SLC16A12: variants seen among roughly 807,000 people sequenced by gnomAD.
SLC16A12 encodes solute carrier family 16 member 12, also known as monocarboxylate transporter 12.
Under a neutral mutation model 42.4 loss-of-function variants are expected in SLC16A12, and 17 were observed. The ratio of observed to expected loss-of-function variants is 0.40; its 90% CI spans 0.27 to 0.60. The LOEUF (loss-of-function observed/expected upper bound fraction) is 0.60. Among genes scored for constraint, SLC16A12 ranks in the 20% least tolerant of loss-of-function variants. The probability of loss-of-function intolerance (pLI) is 0.42; values close to 1 mark genes in which losing one functional copy is unlikely to be tolerated. For synonymous variants in SLC16A12, 224 were observed against 229.4 expected (o/e 0.98, Z 0.21); for missense variants, 544 against 623.0 (o/e 0.87, Z 1.35).
At chr10:89,532,550 C>A (rs142880620) in intron 2 of SLC16A12, among the ~76,000 whole-genome samples, 46 of 152,270 alleles carry the variant, frequency 3.0e-4, no homozygotes, top group African/African-American at 1.1e-3. Context: ...TTTATATACA[C>A]TGGAAAGGTA....
chr10:89,459,516 A>ATGTGTGTGTGTGTGTGTGTG lies in SLC16A12; in HGVS notation c.200+2843_200+2862dup, dbSNP rs58259835. Among the ~76,000 whole-genome samples, 215 of 149,736 alleles carry ATGTGTGTGTGTGTGTGTGTG rather than the reference A, an allele frequency of 1.4e-3. 1 individual carries two copies. Among genetic ancestry groups the ATGTGTGTGTGTGTGTGTGTG allele is most frequent in the Middle Eastern group, 3.4e-3 (1 of 292 alleles). On this transcript the variant is annotated intron_variant, in intron 3 of 7. Transcript: ENST00000371790. Reference sequence around the variant, plus strand: ...AAAGGGCATAGCGGTTTCTGTGTTTATGTGTGTGTGTGTGTGTGTGTATGT... The same window carrying ATGTGTGTGTGTGTGTGTGTG: ...AAAGGGCATAGCGGTTTCTGTGTTTATGTGTGTGTGTGTGTGTGTGTGTGTGTGTGTGTGTGTGTGTATGT...
Position 89,444,782 on chromosome 10 carries a change from G to C in SLC16A12, c.201-923C>G, listed in dbSNP as rs2133700060. Among the ~76,000 whole-genome samples the C allele has an allele frequency of 2.0e-5, 3 of 152,330 alleles. 1 individual carries two copies. The South Asian group carries it at 6.2e-4, about 32-fold the overall frequency. Reference sequence around the variant, plus strand: ...ACAGTGGGTGTAGCCCATGGAGGGGGAGCCGAAGCAGGGTGGGGCATTGCC... The same window carrying C: ...ACAGTGGGTGTAGCCCATGGAGGGGCAGCCGAAGCAGGGTGGGGCATTGCC... On this transcript the variant is annotated intron_variant, in intron 3 of 7. Coordinates refer to ENST00000371790, the MANE Select transcript of SLC16A12 (RefSeq NM_213606.4).
intron 2 of SLC16A12, among the ~76,000 whole-genome samples, chr10:89,542,211 T>A (rs1843719455): frequency 6.6e-6 from 1 of 152,172 alleles, no homozygotes; most frequent in Non-Finnish European, 1.5e-5. Context: ...ATTTAGATCA[T>A]ATTGTTATGA....
In SLC16A12 at chr10:89,549,529, G is replaced by T. The variant is rs1254764030; in HGVS notation, c.-47+6353C>A. Among the ~76,000 whole-genome samples the T allele has an allele frequency of 3.9e-5, 6 of 152,036 alleles. No individual in the cohort carries two copies. The East Asian group carries it at 1.2e-3, about 29-fold the overall frequency. ...ATAATAGGCATCAGTTTTTGTTTTT[G>T]TTTTTTTCAGTAGTGTGTGAAGAAT... On this transcript the variant is annotated intron_variant, in intron 2 of 2. Coordinates refer to the SLC16A12 transcript ENST00000475682.
In SLC16A12 at chr10:89,477,281, CA is replaced by C. The variant is rs145799609; in HGVS notation, c.-46-14658del. Among the ~76,000 whole-genome samples, 1,352 of 152,146 alleles carry C rather than the reference CA, an allele frequency of 8.9e-3. 22 individuals are homozygous for C. The highest frequency in any genetic ancestry group is 0.031 in the African/African-American group (1,288 of 41,510). ...CAGTCTGTACATTTAAAAACATGTC[CA>C]GCCCAGGCGCAGTGGCTCACGCCTG... On this transcript the variant is annotated intron_variant, in intron 2 of 7. Coordinates refer to ENST00000371790, the MANE Select transcript of SLC16A12 (RefSeq NM_213606.4).
intron 3 of SLC16A12, among the ~76,000 whole-genome samples, chr10:89,452,221 G>A (rs933268839): frequency 4.6e-5 from 7 of 152,206 alleles, no homozygotes; most frequent in Non-Finnish European, 1.0e-4. Flanking sequence ...AATGTCGATA[G>A]GATGTGCAAG....
In SLC16A12 at chr10:89,507,531, T is replaced by A. The variant is rs1409664178; in HGVS notation, c.-47+26970A>T. On this transcript the variant is annotated intron_variant, in intron 2 of 7. Transcript: ENST00000371790. ...TTACAGACAAGCAAAGGCTGAGAGA[T>A]TTTGTCATCACCAGGCCTGCCATAA... Among the ~76,000 whole-genome samples, 4 of 152,276 alleles carry A rather than the reference T, an allele frequency of 2.6e-5. No individual in the cohort carries two copies. The East Asian group carries it at 7.7e-4, about 29-fold the overall frequency.
chr10:89,530,708 G>A (rs995394905), intron 2 of SLC16A12, among the ~76,000 whole-genome samples: 1 of 151,998 alleles, frequency 6.6e-6, no homozygotes, highest in Non-Finnish European at 1.5e-5. Flanking sequence ...TGTGAGCCAC[G>A]GCGCCCGGCT....
chr10:89,540,383 G>A (rs148962801), upstream of SLC16A12, among the ~76,000 whole-genome samples: 8 of 152,274 alleles, frequency 5.3e-5, no homozygotes, highest in Non-Finnish European at 7.3e-5. Flanking sequence ...ACAGCCGTGA[G>A]CCACCATGCC....
At chr10:89,532,974 TC>T (rs1843580193) in intron 2 of SLC16A12, among the ~76,000 whole-genome samples, 1 of 152,162 alleles carries the variant, frequency 6.6e-6, no homozygotes, top group Admixed American at 6.5e-5. Flanking sequence ...AAACAAATCA[TC>T]CCGTGCTTCA....
Position 89,438,774 on chromosome 10 carries a change from T to C in SLC16A12, c.858A>G (p.Leu286=), listed in dbSNP as rs1208695672. 1 of 1,614,026 alleles carries C rather than the reference T, an allele frequency of 6.2e-7. No individual in the cohort carries two copies. Among genetic ancestry groups the C allele is most frequent in the Non-Finnish European group, 8.5e-7 (1 of 1,180,032 alleles). The change falls in exon 6 of 8, where the codon TTA becomes TTG. Residue 286 remains leucine (L), a synonymous_variant. Transcript: ENST00000371790. ...SFLLMSDFVV[L]AVSVLFMAYG... is the part of the protein sequence containing the mutation. Reference sequence around the variant, plus strand: ...AAGCCATAAACAGAACGGAGACGGCTAACACAACAAAGTCTGACATGAGTA... The same window carrying C: ...AAGCCATAAACAGAACGGAGACGGCCAACACAACAAAGTCTGACATGAGTA...
chr10:89,533,914 C>A (rs1230585889), intron 2 of SLC16A12, among the ~76,000 whole-genome samples: 3 of 151,682 alleles, frequency 2.0e-5, no homozygotes, highest in Non-Finnish European at 4.4e-5. Flanking sequence ...GCTCAAAATG[C>A]CTAGAGGCAA....
chr10:89,555,656 T>C (rs931203791), intron 2 of SLC16A12, among the ~76,000 whole-genome samples: 1 of 143,524 alleles, frequency 7.0e-6, no homozygotes, highest in East Asian at 2.0e-4. Context: ...TATATACAGA[T>C]ATGTATATAT....
intron 2 of SLC16A12, among the ~76,000 whole-genome samples, chr10:89,483,307 T>C (rs1327159497): frequency 8.5e-5 from 13 of 152,094 alleles, no homozygotes; most frequent in Admixed American, 8.5e-4. Context: ...GGCTTCAACA[T>C]ATGAATTTGG....
chr10:89,505,645 C>G (rs113360857), intron 2 of SLC16A12, among the ~76,000 whole-genome samples: 2 of 152,116 alleles, frequency 1.3e-5, no homozygotes, highest in African/African-American at 4.8e-5. Flanking sequence ...GGAAGCTCAA[C>G]GGGTCAGGGG....
intron 2 of SLC16A12, among the ~76,000 whole-genome samples, chr10:89,497,522 A>C (rs1253977934): frequency 6.6e-6 from 1 of 152,198 alleles, no homozygotes; most frequent in East Asian, 1.9e-4. Flanking sequence ...GATAACTGGA[A>C]AGCACAGAGG....
At chr10:89,539,948 CTCTTTCTTTCT>C (rs1195499538), upstream of SLC16A12, among the ~76,000 whole-genome samples, 7 of 128,434 alleles carry the variant, frequency 5.5e-5, no homozygotes, top group African/African-American at 2.1e-4. Flanking sequence ...TTCCTTCTTT[CTCTTTCTTTCT>C]TCTTTCTTTC....
rs1841719471 is a variant in SLC16A12, at chr10:89,433,163, T to C, written c.1452A>G (p.Leu484=). ...IAKESDPKLQ[L]WTNGSVAYSV... is the part of the protein sequence containing the mutation. ...AATAAGCCACTGATCCATTGGTCCA[T>C]AGCTGCAGCTTAGGATCAGATTCTT... The change falls in exon 8 of 8, where the codon CTA becomes CTG. Residue 484 remains leucine (L), a synonymous_variant. Coordinates refer to ENST00000371790, the MANE Select transcript of SLC16A12 (RefSeq NM_213606.4). 1.2e-6 allele frequency: 2 copies of C among 1,614,218 alleles called. No homozygotes were observed. Among genetic ancestry groups the C allele is most frequent in the Middle Eastern group, 1.6e-4 (1 of 6,062 alleles).
At chr10:89,493,772 G>A (rs1842882436) in intron 2 of SLC16A12, among the ~76,000 whole-genome samples, 1 of 151,968 alleles carries the variant, frequency 6.6e-6, no homozygotes, top group South Asian at 2.1e-4. Flanking sequence ...TATCTCTTTT[G>A]CCCAAGTACC....
Sources: gnomAD v4.1 joint callset for allele counts (sites outside exome capture counted in the v4.1 genomes callset) on GRCh38, gnomAD v4.1.1 for gene constraint, MANE v1.5 for transcripts, NCBI Gene and HGNC (gene_info 2026-07-23, HGNC 2026-07-21) for gene names.